The following LGALS4 variants were observed in gnomAD, a reference collection of about 807,000 sequenced individuals.
LGALS4 encodes galectin 4, also known as galectin-4.
LGALS4 carries 37 observed loss-of-function variants against 39.6 expected under a neutral mutation model. The ratio of observed to expected loss-of-function variants is 0.93; its 90% CI spans 0.72 to 1.23. LGALS4 has a LOEUF of 1.23. Among genes scored for constraint, LGALS4 ranks in the 50% most tolerant of loss-of-function variants. The pLI is 0.00. For missense variants in LGALS4, 397 were observed against 433.2 expected, an observed-to-expected ratio of 0.92 and a Z score of 0.74; for synonymous variants, 160 against 165.5, an observed-to-expected ratio of 0.97 and a Z score of 0.25.
Position 38,806,556 on chromosome 19 carries a change from G to T in LGALS4, c.379C>A (p.Arg127=), listed in dbSNP as rs748187943. Residue 127 remains arginine (R), a synonymous_variant, in exon 4 of 10, where the codon CGG becomes AGG. Coordinates refer to ENST00000307751, the MANE Select transcript of LGALS4 (RefSeq NM_006149.4). The part of the protein sequence containing the change: ...NGNPFYEYGH[R]LPLQMVTHLQ... ...TGGGTGACCATCTGTAGGGGAAGCC[G>T]GTGCCCGTACTCATAGAAGGGATTT... 5.0e-6 allele frequency: 8 copies of T among 1,613,998 alleles called. No individual in the cohort carries two copies. Among genetic ancestry groups the T allele is most frequent in the Admixed American group, 1.7e-5 (1 of 59,992 alleles).
Position 38,808,853 on chromosome 19 carries a change from T to C in LGALS4, c.230A>G (p.Asn77Ser), listed in dbSNP as rs1352893215. 1 of 1,614,022 alleles carries C rather than the reference T, an allele frequency of 6.2e-7. No individual in the cohort carries two copies. The highest frequency in any genetic ancestry group is 1.7e-5 in the Admixed American group (1 of 59,976). The change falls in exon 3 of 10, where the codon AAC becomes AGC. Residue 77 changes from asparagine (N) to serine (S), a missense_variant. Coordinates refer to ENST00000307751, the MANE Select transcript of LGALS4 (RefSeq NM_006149.4). ...RFDGWDKVVFNTLQGGKWGSE... is the reference protein window; with the variant it reads ...RFDGWDKVVFSTLQGGKWGSE... ...GCCCCACTTCCCGCCCTGCAACGTG[T>C]TGAAGACCACCTTGTCCCAGCCGTC...
At chr19:38,810,183 T>A (rs1262065263) in intron 2 of LGALS4, among the ~76,000 whole-genome samples, 1 of 151,986 alleles carries the variant, frequency 6.6e-6, no homozygotes, top group East Asian at 1.9e-4. Flanking sequence ...TTTGAGACAG[T>A]CTCCCTTTGT....
At chr19:38,802,710 C>T (rs1208427627) in intron 7 of LGALS4, among the ~76,000 whole-genome samples, 6 of 151,962 alleles carry the variant, frequency 3.9e-5, no homozygotes, top group African/African-American at 1.2e-4. Context: ...CAGAGTCTCC[C>T]TCTGACGCCC....
Position 38,803,790 on chromosome 19 carries a change from G to A in LGALS4, c.502-10C>T. The A allele has an allele frequency of 6.2e-7, 1 of 1,613,668 alleles. No homozygotes were observed. Among genetic ancestry groups the A allele is most frequent in the Non-Finnish European group, 8.5e-7 (1 of 1,179,844 alleles). ...GGCAATGTCCGGGACCCTGAACGAT[G>A]GACAGAAGGCAGGAAGGGTGAGAGG... On this transcript the variant is annotated splice_polypyrimidine_tract_variant and intron_variant, in intron 5 of 9. Transcript: ENST00000307751.
At chr19:38,809,037 C>G in intron 2 of LGALS4, 89 bp from the exon 3 acceptor site, 1 of 1,136,886 alleles carries the variant, frequency 8.8e-7, no homozygotes, top group South Asian at 1.5e-5. Flanking sequence ...GCCGCCCTGT[C>G]CTCGGCCTCC....
chr19:38,804,243 G>A (rs2145354078), intron 4 of LGALS4, among the ~76,000 whole-genome samples: 1 of 152,190 alleles, frequency 6.6e-6, no homozygotes, highest in African/African-American at 2.4e-5. Flanking sequence ...CTCTGTCTTG[G>A]CCACACCTCA....
intron 8 of LGALS4, 40 bp from the exon 9 acceptor site, chr19:38,802,197 G>A: frequency 1.2e-6 from 2 of 1,608,358 alleles, no homozygotes; most frequent in Non-Finnish European, 1.7e-6. Context: ...ATGGAGTCCA[G>A]TGGGAAGAGG....
At chr19:38,807,228 C>T (rs10414466) in intron 3 of LGALS4, among the ~76,000 whole-genome samples, 3 of 152,072 alleles carry the variant, frequency 2.0e-5, no homozygotes, top group South Asian at 2.1e-4. Context: ...ATTAGCCGGG[C>T]GTGGTGGTGT....
At chr19:38,808,141 TAATA>T in intron 3 of LGALS4, among the ~76,000 whole-genome samples, 1 of 140,744 alleles carries the variant, frequency 7.1e-6, no homozygotes, top group African/African-American at 2.6e-5. Context: ...AATAAATAAA[TAATA>T]AAATAAAATA....
intron 7 of LGALS4, 67 bp downstream of exon 7, chr19:38,803,455 C>T (rs1265967938): frequency 6.5e-7 from 1 of 1,532,036 alleles, no homozygotes; most frequent in African/African-American, 1.4e-5. Context: ...CCCTTTCTGG[C>T]TGTCTCAGAT....
At chr19:38,807,193 C>A (rs972304503) in intron 3 of LGALS4, among the ~76,000 whole-genome samples, 1 of 151,642 alleles carries the variant, frequency 6.6e-6, no homozygotes, top group African/African-American at 2.4e-5. Context: ...ATAGCAAGAC[C>A]CCGTCTTTAC....
Position 38,810,464 on chromosome 19 carries a change from G to A in LGALS4, c.135-1516C>T, listed in dbSNP as rs372881000. Among the ~76,000 whole-genome samples, 41 of 142,210 alleles carry A rather than the reference G, an allele frequency of 2.9e-4. No homozygotes were observed. In the South Asian group the frequency reaches 4.2e-3, roughly 14 times the overall value. The allele number at this position is 142,210 out of a possible 152,430, so 93.3% of individuals were successfully genotyped here. ...TGCAAGCTCCGCCTCCTGGTTTCAC[G>A]CCATTCTCCTGCCTCAGCCTCCCGA... On this transcript the variant is annotated intron_variant, in intron 2 of 9. Coordinates refer to ENST00000307751, the MANE Select transcript of LGALS4 (RefSeq NM_006149.4).
intron 2 of LGALS4, among the ~76,000 whole-genome samples, chr19:38,810,354 CTTTTTTTTTT>C (rs761533885): frequency 1.1e-5 from 1 of 92,876 alleles, no homozygotes; most frequent in African/African-American, 5.0e-5. Context: ...GAGATTTCGC[CTTTTTTTTTT>C]TTTTTTTTTT....
At chr19:38,808,718 G>A in intron 3 of LGALS4, 26 bp downstream of exon 3, 3 of 1,598,796 alleles carry the variant, frequency 1.9e-6, no homozygotes, top group Non-Finnish European at 2.6e-6. Context: ...CTCCAGCTTG[G>A]GAAACAAGAG....
rs767001617 is a variant in LGALS4, at chr19:38,802,339, G to T, written c.636C>A (p.Gly212=). ...ACCTCTTGCCTGTGGGAGGCACATA[G>T]CCCTTGATGATGATGGTTCTTCGAG... The part of the protein sequence containing the change: ...LTARRTIIIK[G]YVPPTGKSFA... Residue 212 remains glycine, a synonymous_variant, in exon 8 of 10, where the codon GGC becomes GGA. Transcript: ENST00000307751. 2.5e-6 allele frequency: 4 copies of T among 1,614,146 alleles called. No homozygotes were observed. Among genetic ancestry groups the T allele is most frequent in the Non-Finnish European group, 3.4e-6 (4 of 1,179,994 alleles).
intron 2 of LGALS4, among the ~76,000 whole-genome samples, chr19:38,810,326 T>C (rs1971477382): frequency 6.6e-6 from 1 of 151,708 alleles, no homozygotes; most frequent in Admixed American, 6.6e-5. Context: ...TGGCTAATTT[T>C]GTATTTTCAG....
intron 4 of LGALS4, 62 bp downstream of exon 4, chr19:38,806,399 A>G: frequency 6.5e-7 from 1 of 1,541,264 alleles, no homozygotes; most frequent in South Asian, 1.2e-5. Context: ...AAAAAGAAAA[A>G]AAATGAATGT....
intron 2 of LGALS4, among the ~76,000 whole-genome samples, chr19:38,809,904 C>T (rs2145360715): frequency 6.6e-6 from 1 of 152,264 alleles, no homozygotes; most frequent in South Asian, 2.1e-4. Flanking sequence ...CCCTGCTCCC[C>T]TCCTGGCCCT....
chr19:38,812,561 C>T (rs763946888), intron 1 of LGALS4, 42 bp from the exon 2 acceptor site: 1 of 1,569,654 alleles, frequency 6.4e-7, no homozygotes, highest in Non-Finnish European at 8.8e-7. Context: ...AGCCATCTGC[C>T]TGTTGCAGCC....
Sources: allele counts gnomAD v4.1 joint callset (sites outside exome capture counted in the v4.1 genomes callset), GRCh38; gene constraint gnomAD v4.1.1; transcripts MANE v1.5; gene names NCBI Gene and HGNC (gene_info 2026-07-23, HGNC 2026-07-21).